The following DLG2 variants were observed in gnomAD, a reference collection of about 807,000 sequenced individuals.
DLG2 encodes disks large homolog 2.
DLG2 carries 45 observed loss-of-function variants against 132.5 expected under a neutral mutation model. The ratio of observed to expected loss-of-function variants is 0.34; its 90% confidence interval spans 0.27 to 0.44. DLG2 has a LOEUF of 0.44. Ranked by LOEUF, DLG2 falls within the 20% of genes least tolerant of loss-of-function variation. The pLI is 1.00. For synonymous variants in DLG2, 424 were observed against 419.6 expected (o/e 1.01, Z -0.13); for missense variants, 1,045 against 1,196.9 (o/e 0.87, Z 1.87).
chr11:83,980,710 T>C, intron 11 of DLG2, 68 bp from the exon 12 acceptor site: 4 of 1,403,846 alleles, frequency 2.8e-6, no homozygotes, highest in Non-Finnish European at 3.7e-6. Context: ...AAAATGCAGT[T>C]AGCCACATTT....
intron 6 of DLG2, among the ~76,000 whole-genome samples, chr11:84,536,077 A>G (rs10501567): frequency 0.014 from 2,139 of 152,206 alleles, 127 homozygotes; most frequent in Admixed American, 0.1. Context: ...GCAGATTATC[A>G]ATACTTACAC....
intron 6 of DLG2, among the ~76,000 whole-genome samples, chr11:84,712,593 AT>A (rs1352202833): frequency 6.6e-6 from 1 of 152,076 alleles, no homozygotes; most frequent in Non-Finnish European, 1.5e-5. Context: ...AAAGTGTTTG[AT>A]TTAATACTAC....
intron 3 of DLG2, among the ~76,000 whole-genome samples, chr11:85,559,487 A>G (rs557415744): frequency 6.6e-6 from 1 of 151,780 alleles, no homozygotes; most frequent in Admixed American, 6.6e-5. Flanking sequence ...TCACCAGATC[A>G]GAAAGCAAAC....
At chr11:85,331,619 A>C (rs556647009) in intron 3 of DLG2, among the ~76,000 whole-genome samples, 1 of 152,282 alleles carries the variant, frequency 6.6e-6, no homozygotes, top group African/African-American at 2.4e-5. Context: ...TTCTTCTGCC[A>C]CCTGCCACCT....
At chr11:84,513,753 C>G (rs1664871063) in intron 7 of DLG2, among the ~76,000 whole-genome samples, 1 of 151,490 alleles carries the variant, frequency 6.6e-6, no homozygotes, top group African/African-American at 2.4e-5. Flanking sequence ...TGAAAAAAAC[C>G]ATCCAGGACA....
At chr11:84,031,288 T>G (rs1463179170) in intron 11 of DLG2, among the ~76,000 whole-genome samples, 2 of 151,710 alleles carry the variant, frequency 1.3e-5, no homozygotes, top group Non-Finnish European at 2.9e-5. Flanking sequence ...AAGAATTAAA[T>G]CTTATTCCCT....
intron 6 of DLG2, among the ~76,000 whole-genome samples, chr11:84,608,769 A>G (rs1490153266): frequency 6.6e-6 from 1 of 152,210 alleles, no homozygotes; most frequent in Admixed American, 6.6e-5. Context: ...GACAGAAATC[A>G]GAGGACAAAT....
At chr11:83,938,757 T>C (rs780746068) in intron 14 of DLG2, among the ~76,000 whole-genome samples, 1 of 152,204 alleles carries the variant, frequency 6.6e-6, no homozygotes, top group Non-Finnish European at 1.5e-5. Flanking sequence ...GGAAATCTGA[T>C]TGCAGGAACA....
chr11:84,899,259 T>G (rs918240207), intron 6 of DLG2, among the ~76,000 whole-genome samples: 3 of 152,054 alleles, frequency 2.0e-5, no homozygotes, highest in African/African-American at 7.2e-5. Flanking sequence ...GAAATTACAA[T>G]AGATTTGAGG....
intron 22 of DLG2, among the ~76,000 whole-genome samples, chr11:83,481,451 AGTT>A (rs1444737002): frequency 6.6e-6 from 1 of 152,144 alleles, no homozygotes; most frequent in Non-Finnish European, 1.5e-5. Context: ...AAGTGACAAT[AGTT>A]ATACATTTTT....
intron 6 of DLG2, among the ~76,000 whole-genome samples, chr11:85,075,401 T>A (rs10898359): frequency 6.6e-6 from 1 of 151,678 alleles, no homozygotes; most frequent in Non-Finnish European, 1.5e-5. Flanking sequence ...TTAGAAGCAA[T>A]CTAAATATTT....
intron 8 of DLG2, among the ~76,000 whole-genome samples, chr11:84,231,020 C>A (rs959386434): frequency 6.6e-6 from 1 of 152,086 alleles, no homozygotes; most frequent in African/African-American, 2.4e-5. Context: ...AAATTGTTAC[C>A]CTGCTAAAAA....
At chr11:84,051,816 A>T (rs1327339214) in intron 11 of DLG2, among the ~76,000 whole-genome samples, 2 of 151,862 alleles carry the variant, frequency 1.3e-5, no homozygotes, top group Non-Finnish European at 2.9e-5. Flanking sequence ...CACCATAATA[A>T]TGGCAGTAGA....
intron 6 of DLG2, among the ~76,000 whole-genome samples, chr11:84,823,825 G>GCTGAATGAA (rs1470732281): frequency 6.6e-6 from 1 of 151,670 alleles, no homozygotes; most frequent in East Asian, 1.9e-4. Flanking sequence ...AATGATATTT[G>GCTGAATGAA]CTGAATGAAT....
intron 8 of DLG2, among the ~76,000 whole-genome samples, chr11:84,208,827 C>G (rs938091940): frequency 6.6e-6 from 1 of 152,046 alleles, no homozygotes; most frequent in Non-Finnish European, 1.5e-5. Context: ...TACATGTATA[C>G]TGGTATTAAG....
At chr11:84,153,405 T>C (rs557607218) in intron 9 of DLG2, among the ~76,000 whole-genome samples, 1 of 152,296 alleles carries the variant, frequency 6.6e-6, no homozygotes, top group South Asian at 2.1e-4. Flanking sequence ...ACTGGGGACA[T>C]GTTCATGAAT....
At chr11:85,569,211 T>C (rs2077709642) in intron 3 of DLG2, among the ~76,000 whole-genome samples, 1 of 152,118 alleles carries the variant, frequency 6.6e-6, no homozygotes, top group African/African-American at 2.4e-5. Flanking sequence ...TTTGTATTTT[T>C]AGTAGAGACG....
At chr11:84,729,176 T>C (rs556817547) in intron 6 of DLG2, among the ~76,000 whole-genome samples, 1 of 152,272 alleles carries the variant, frequency 6.6e-6, no homozygotes, top group South Asian at 2.1e-4. Context: ...AATTGTGATG[T>C]TAGGGTGTCA....
At chr11:83,782,650 T>C (rs939189315) in intron 18 of DLG2, among the ~76,000 whole-genome samples, 6 of 152,126 alleles carry the variant, frequency 3.9e-5, no homozygotes, top group South Asian at 2.1e-4. Context: ...AAAGGCATAG[T>C]TCAGGAACAA....
Sources: gnomAD v4.1 joint callset for allele counts (sites outside exome capture counted in the v4.1 genomes callset) on GRCh38, gnomAD v4.1.1 for gene constraint, MANE v1.5 for transcripts, NCBI Gene and HGNC (gene_info 2026-07-23, HGNC 2026-07-21) for gene names.